Variants in SWT1 observed in about 807,000 individuals in gnomAD.
The protein encoded by SWT1 is transcriptional protein SWT1.
SWT1 carries 33 observed loss-of-function variants against 107.3 expected under a neutral mutation model. The observed-to-expected ratio is 0.31, with a 90% CI of 0.23 to 0.41. SWT1 has a LOEUF of 0.41. SWT1 is among the 10% of genes least tolerant of loss of function. The pLI, the probability that SWT1 is intolerant of heterozygous loss-of-function variation, is 1.00. For synonymous variants in SWT1, 345 were observed against 348.3 expected (o/e 0.99, Z 0.11); for missense variants, 898 against 1,028.9 (o/e 0.87, Z 1.74).
At chr1:185,223,334 A>AT (rs1309355603) in intron 15 of SWT1, among the ~76,000 whole-genome samples, 1 of 151,664 alleles carries the variant, frequency 6.6e-6, no homozygotes, top group Non-Finnish European at 1.5e-5. Context: ...CTCTCACCTC[A>AT]TTTTTTTGAT....
At chr1:185,290,517 A>G (rs1665192685) in intron 18 of SWT1, among the ~76,000 whole-genome samples, 157 bp from the exon 19 acceptor site, 1 of 152,170 alleles carries the variant, frequency 6.6e-6, no homozygotes, top group South Asian at 2.1e-4. Context: ...AGCTTGATTG[A>G]GCCATTCTAC....
At chr1:185,204,627 G>T in intron 11 of SWT1, 73 bp from the exon 12 acceptor site, 1 of 701,410 alleles carries the variant, frequency 1.4e-6, no homozygotes, top group Non-Finnish European at 2.3e-6. Context: ...ACTGTTTATG[G>T]CAATATACTA....
chr1:185,207,790 A>T (rs1658456702), intron 13 of SWT1, among the ~76,000 whole-genome samples: 1 of 152,104 alleles, frequency 6.6e-6, no homozygotes, highest in Non-Finnish European at 1.5e-5. Flanking sequence ...AGACCCAGCT[A>T]CTTGGGAGGC....
At chr1:185,274,545 A>C (rs1486820118) in intron 17 of SWT1, among the ~76,000 whole-genome samples, 1 of 152,022 alleles carries the variant, frequency 6.6e-6, no homozygotes, top group African/African-American at 2.4e-5. Context: ...TAATATTAAA[A>C]ATGGTGGTAG....
At chr1:185,219,637 T>C (rs1304134641) in intron 14 of SWT1, among the ~76,000 whole-genome samples, 2 of 152,302 alleles carry the variant, frequency 1.3e-5, no homozygotes, top group African/African-American at 2.4e-5. Flanking sequence ...TTTAAACTTA[T>C]AGTTAAAATT....
chr1:185,206,457 A>G (rs528300600), intron 12 of SWT1, among the ~76,000 whole-genome samples, 168 bp from the exon 13 acceptor site: 9 of 152,362 alleles, frequency 5.9e-5, no homozygotes, highest in South Asian at 4.1e-4. Context: ...GCAATTTGCA[A>G]TGGAATTAGC....
intron 17 of SWT1, among the ~76,000 whole-genome samples, chr1:185,275,287 C>A (rs1272782348): frequency 6.6e-6 from 1 of 151,828 alleles, no homozygotes; most frequent in African/African-American, 2.4e-5. Context: ...ACAATATCAA[C>A]AGCCCTTAGG....
chr1:185,174,357 T>C lies in SWT1; in HGVS notation c.225-15T>C. On this transcript the variant is annotated splice_polypyrimidine_tract_variant and intron_variant, in intron 4 of 18. Coordinates refer to ENST00000367500, the MANE Select transcript of SWT1 (RefSeq NM_017673.7). ...ATAATTATAATGTAACCTAGGTTTCTGTGCTGTTTTACAGATTGAGTGTAG... is the reference window on the plus strand; with the variant it reads ...ATAATTATAATGTAACCTAGGTTTCCGTGCTGTTTTACAGATTGAGTGTAG... 3 of 1,514,596 alleles carry C rather than the reference T, an allele frequency of 2.0e-6. No individual in the cohort carries two copies. The highest frequency in any genetic ancestry group is 2.6e-6 in the Non-Finnish European group (3 of 1,137,958). The allele number at this position is 1,514,596 out of a possible 1,614,324, so 93.8% of individuals were successfully genotyped here. A position where few individuals can be genotyped will look rare whatever the true frequency, so the allele number is the denominator to read the frequency against.
intron 4 of SWT1, among the ~76,000 whole-genome samples, chr1:185,174,094 TATTATGATAATA>T (rs1655330430): frequency 6.6e-6 from 1 of 152,176 alleles, no homozygotes; most frequent in South Asian, 2.1e-4. Flanking sequence ...AGCACAAAAT[TATTATGATAATA>T]ATAATTATTT....
intron 5 of SWT1, chr1:185,176,921 T>C: frequency 1.7e-6 from 1 of 593,876 alleles, no homozygotes; most frequent in Non-Finnish European, 2.1e-6. Flanking sequence ...GAGGCGGCCC[T>C]TGCAGTGAGC....
chr1:185,257,396 A>T (rs776801868), intron 16 of SWT1, among the ~76,000 whole-genome samples: 1 of 152,012 alleles, frequency 6.6e-6, no homozygotes, highest in Non-Finnish European at 1.5e-5. Flanking sequence ...GCCGCCTTGC[A>T]GTTTGATCTC....
At chr1:185,216,851 A>T (rs1213286409) in intron 14 of SWT1, among the ~76,000 whole-genome samples, 1 of 151,744 alleles carries the variant, frequency 6.6e-6, no homozygotes, top group Non-Finnish European at 1.5e-5. Context: ...ACTTGGGAGG[A>T]TGAGGCAGGA....
intron 12 of SWT1, 65 bp from the exon 13 acceptor site, chr1:185,206,560 A>G (rs1467671501): frequency 3.1e-6 from 3 of 964,318 alleles, no homozygotes; most frequent in Non-Finnish European, 4.3e-6. Context: ...ATTCCTAAAT[A>G]GGTACTTTTT....
intron 13 of SWT1, among the ~76,000 whole-genome samples, chr1:185,212,033 A>G (rs913682625): frequency 2.6e-5 from 4 of 151,944 alleles, no homozygotes; most frequent in Non-Finnish European, 5.9e-5. Context: ...AGGAAGGGGA[A>G]CATCACACTC....
chr1:185,265,521 A>G (rs563679674), intron 16 of SWT1, among the ~76,000 whole-genome samples: 2 of 152,324 alleles, frequency 1.3e-5, no homozygotes, highest in South Asian at 2.1e-4. Flanking sequence ...GCAAAATCCA[A>G]TTTGATAATA....
chr1:185,178,622 C>CT (rs1307982091), intron 5 of SWT1, among the ~76,000 whole-genome samples: 1 of 152,068 alleles, frequency 6.6e-6, no homozygotes, highest in Non-Finnish European at 1.5e-5. Context: ...ATTGTAGTCA[C>CT]TGTAGGTGGC....
chr1:185,274,777 A>G (rs1310862706), intron 17 of SWT1, among the ~76,000 whole-genome samples: 1 of 152,200 alleles, frequency 6.6e-6, no homozygotes, highest in African/African-American at 2.4e-5. Flanking sequence ...TGGAAATTAA[A>G]ATTGTTCATT....
At chr1:185,278,178 G>A (rs1664374611) in intron 18 of SWT1, among the ~76,000 whole-genome samples, 1 of 152,036 alleles carries the variant, frequency 6.6e-6, no homozygotes, top group African/African-American at 2.4e-5. Context: ...CCTTTGCTGT[G>A]GGCTAATGCT....
At chr1:185,255,873 T>C (rs1662462658) in intron 16 of SWT1, among the ~76,000 whole-genome samples, 2 of 151,476 alleles carry the variant, frequency 1.3e-5, no homozygotes, top group African/African-American at 2.4e-5. Context: ...TTCTTCCTAG[T>C]CTTGATGGTC....
Sources: gnomAD v4.1 joint callset for allele counts (sites outside exome capture counted in the v4.1 genomes callset) on GRCh38, gnomAD v4.1.1 for gene constraint, MANE v1.5 for transcripts, NCBI Gene and HGNC (gene_info 2026-07-23, HGNC 2026-07-21) for gene names.